The following CLIP4 variants were observed in gnomAD, a reference collection of about 807,000 sequenced individuals.
CLIP4 encodes the protein CAP-Gly domain-containing linker protein 4.
In CLIP4, 47 loss-of-function variants were observed where a neutral mutation model predicts 73.1. That is an observed-to-expected ratio of 0.64 (90% CI 0.51 to 0.82). CLIP4 has a LOEUF of 0.82. CLIP4 is among the 40% of genes least tolerant of loss of function. CLIP4 has a pLI of 0.00. For synonymous variants in CLIP4, 306 were observed against 295.4 expected, an observed-to-expected ratio of 1.04 and a Z score of -0.37; for missense variants, 874 against 852.9, an observed-to-expected ratio of 1.02 and a Z score of -0.31.
chr2:29,178,554 T>A (rs1329019174), intron 15 of CLIP4, among the ~76,000 whole-genome samples: 1 of 152,190 alleles, frequency 6.6e-6, no homozygotes, highest in African/African-American at 2.4e-5. Context: ...CCCCTGTATA[T>A]CGTGCTCATA....
chr2:29,100,584 G>A (rs927558337), intron 1 of CLIP4, among the ~76,000 whole-genome samples: 1 of 151,782 alleles, frequency 6.6e-6, no homozygotes, highest in Non-Finnish European at 1.5e-5. Context: ...CACTGAGAAG[G>A]CAGGAAAAAA....
intron 6 of CLIP4, among the ~76,000 whole-genome samples, chr2:29,142,969 A>G (rs977666066): frequency 6.6e-6 from 1 of 152,242 alleles, no homozygotes. Context: ...CCCAGGATAC[A>G]GTCTTTCTGT....
At chr2:29,126,141 G>A (rs572094238) in intron 2 of CLIP4, among the ~76,000 whole-genome samples, 8 of 152,262 alleles carry the variant, frequency 5.3e-5, no homozygotes, top group African/African-American at 1.9e-4. Flanking sequence ...CACTGAGATC[G>A]GCCACTGCAC....
intron 11 of CLIP4, among the ~76,000 whole-genome samples, chr2:29,157,819 G>C (rs140238446): frequency 6.6e-6 from 1 of 152,170 alleles, no homozygotes; most frequent in Non-Finnish European, 1.5e-5. Flanking sequence ...GTAAAGATAC[G>C]TAAAACACTT....
intron 11 of CLIP4, among the ~76,000 whole-genome samples, chr2:29,159,908 T>A (rs1572992438): frequency 1.3e-5 from 2 of 152,368 alleles, no homozygotes; most frequent in East Asian, 3.9e-4. Flanking sequence ...ATATCTACTT[T>A]CATGCTGCAA....
intron 1 of CLIP4, among the ~76,000 whole-genome samples, chr2:29,110,219 C>G (rs555827744): frequency 2.0e-5 from 3 of 152,150 alleles, no homozygotes; most frequent in Admixed American, 6.5e-5. Context: ...TAATAAGTCT[C>G]GTGCGGCTCA....
intron 1 of CLIP4, among the ~76,000 whole-genome samples, chr2:29,105,664 T>C (rs536478115): frequency 4.8e-4 from 73 of 152,346 alleles, no homozygotes; most frequent in Non-Finnish European, 9.8e-4. Context: ...AATGTTTGTG[T>C]ACCCCCAAAT....
chr2:29,152,719 A>G lies in CLIP4; in HGVS notation c.1056A>G (p.Ala352=), dbSNP rs1207094303. 3 of 1,613,606 alleles carry G rather than the reference A, an allele frequency of 1.9e-6. No homozygotes were observed. Among genetic ancestry groups the G allele is most frequent in the East Asian group, 2.2e-5 (1 of 44,826 alleles). Residue 352 remains alanine (A), a synonymous_variant, in exon 9 of 16, where the codon GCA becomes GCG. Transcript: ENST00000320081. ...CACCTCTTTCAAAGATAAGTAAAGCAAAAGGTCGAAGGAAGAATATAACAC... is the reference window on the plus strand; with the variant it reads ...CACCTCTTTCAAAGATAAGTAAAGCGAAAGGTCGAAGGAAGAATATAACAC... ...IFAPLSKISK[A]KGRRKNITHT...
At chr2:29,135,416 A>C (rs1665281192) in intron 5 of CLIP4, 132 bp from the exon 6 acceptor site, 1 of 495,998 alleles carries the variant, frequency 2.0e-6, no homozygotes, top group South Asian at 4.2e-5. Flanking sequence ...CTGTTGTGAA[A>C]TCATGCCTCT....
intron 3 of CLIP4, chr2:29,131,618 G>A (rs1183603301): frequency 1.9e-5 from 8 of 414,698 alleles, no homozygotes; most frequent in African/African-American, 1.0e-4. Context: ...GACTCCTGGC[G>A]GGTGCAGGGA....
chr2:29,163,009 A>T (rs1187186542), intron 12 of CLIP4, among the ~76,000 whole-genome samples: 1 of 152,108 alleles, frequency 6.6e-6, no homozygotes, highest in African/African-American at 2.4e-5. Flanking sequence ...ACTCCTTTTA[A>T]ATCACAAGTA....
At chr2:29,110,594 T>C (rs982894274), upstream of CLIP4, among the ~76,000 whole-genome samples, 3 of 152,152 alleles carry the variant, frequency 2.0e-5, no homozygotes, top group East Asian at 1.9e-4. Flanking sequence ...ATGTATGCTG[T>C]AGAATGGATG....
intron 6 of CLIP4, 34 bp from the exon 7 acceptor site, chr2:29,143,675 G>C: frequency 7.2e-7 from 1 of 1,381,764 alleles, no homozygotes; most frequent in African/African-American, 1.4e-5. Context: ...CTCTAAGTAA[G>C]AGTTGAACAT....
In CLIP4 at chr2:29,131,315, A is replaced by C; in HGVS notation, c.191A>C (p.Lys64Thr). ...ASCQEILFDP[K>T]TSVSELFAIL... The stretch of plus-strand genomic sequence containing the variant: ...TGCCAGGAAATTCTTTTTGATCCCA[A>C]AACTTCAGTTTCAGAATTATTTGCC... The change falls in exon 3 of 16, where the codon AAA (lysine) becomes ACA (threonine). Residue 64 changes from lysine (K) to threonine (T), a missense_variant. Transcript: ENST00000320081. 1 of 1,610,992 alleles carries C rather than the reference A, an allele frequency of 6.2e-7. No homozygotes were observed. The highest frequency in any genetic ancestry group is 1.7e-5 in the Admixed American group (1 of 59,664).
intron 6 of CLIP4, among the ~76,000 whole-genome samples, chr2:29,138,640 A>G (rs893372460): frequency 1.3e-5 from 2 of 152,132 alleles, no homozygotes; most frequent in African/African-American, 2.4e-5. Context: ...CCAGTCCATG[A>G]GCATGGAGTG....
chr2:29,130,678 C>T (rs1413368169), intron 2 of CLIP4: 17 of 1,130,560 alleles, frequency 1.5e-5, no homozygotes, highest in South Asian at 2.0e-5. Flanking sequence ...TTCAATCTTT[C>T]TGATTCTCTT....
At chr2:29,169,674 G>A (rs907731984) in intron 14 of CLIP4, among the ~76,000 whole-genome samples, 1 of 152,004 alleles carries the variant, frequency 6.6e-6, no homozygotes. Context: ...TTTGATGCAC[G>A]TATACAATGT....
rs1663720138 is a variant in CLIP4 at position 29,115,474 on chromosome 2, G to GCCGCCTGCACTGCGCGCGCGCCCAC, written c.-204_-180dup. On this transcript the variant is annotated 5_prime_UTR_variant, in exon 1 of 16. Transcript: ENST00000320081. This position sits in a 1 kb window ranked among gnomAD's most constrained non-coding sequence, Gnocchi z 5.1. ...GTGGCCGAGGCCTGCGCGCCGCCCG[G>GCCGCCTGCACTGCGCGCGCGCCCAC]CCGCCTGCACTGCGCGCGCGCCCAC... 1.3e-5 allele frequency: 2 copies of GCCGCCTGCACTGCGCGCGCGCCCAC among 148,694 alleles called. No homozygotes were observed. Among genetic ancestry groups the GCCGCCTGCACTGCGCGCGCGCCCAC allele is most frequent in the Non-Finnish European group, 3.0e-5 (2 of 66,660 alleles). 9.2% of individuals were successfully genotyped at this position (148,694 alleles called of 1,614,324 possible). A position where few individuals can be genotyped will look rare whatever the true frequency, so the allele number is the denominator to read the frequency against.
intron 1 of CLIP4, among the ~76,000 whole-genome samples, chr2:29,098,458 A>G (rs1667942759): frequency 6.6e-6 from 1 of 152,170 alleles, no homozygotes; most frequent in African/African-American, 2.4e-5. Flanking sequence ...TACGGTCTCC[A>G]TTGTTTCACA....
Sources: allele counts gnomAD v4.1 joint callset (sites outside exome capture counted in the v4.1 genomes callset), GRCh38; gene constraint gnomAD v4.1.1; non-coding constraint Gnocchi (gnomAD v3.1); transcripts MANE v1.5; gene names NCBI Gene and HGNC (gene_info 2026-07-23, HGNC 2026-07-21).